Variants in FSTL5 observed in about 807,000 individuals in gnomAD.
The protein encoded by FSTL5 is follistatin-related protein 5.
A neutral mutation model predicts 89.1 loss-of-function variants in FSTL5; 62 were observed. The observed-to-expected ratio is 0.70, with a 90% CI of 0.57 to 0.86. The LOEUF is 0.86. FSTL5 is among the 40% of genes least tolerant of loss of function. The pLI, the probability that FSTL5 is intolerant of heterozygous loss-of-function variation, is 0.00. For missense variants in FSTL5, 1,057 were observed against 1,001.6 expected, an observed-to-expected ratio of 1.06 and a Z score of -0.75; for synonymous variants, 383 against 346.2, an observed-to-expected ratio of 1.11 and a Z score of -1.18.
At chr4:161,702,098 T>C (rs914355631) in intron 6 of FSTL5, among the ~76,000 whole-genome samples, 3 of 152,182 alleles carry the variant, frequency 2.0e-5, no homozygotes, top group African/African-American at 7.2e-5. Flanking sequence ...AATCTAATCA[T>C]AGCATTCTCC....
chr4:161,526,784 C>G (rs895807396), intron 10 of FSTL5, among the ~76,000 whole-genome samples: 3 of 152,114 alleles, frequency 2.0e-5, no homozygotes. Flanking sequence ...TCTGAGGGCT[C>G]TGTTCTGTTC....
At chr4:162,086,186 A>C (rs1314835280) in intron 2 of FSTL5, among the ~76,000 whole-genome samples, 1 of 152,080 alleles carries the variant, frequency 6.6e-6, no homozygotes, top group Non-Finnish European at 1.5e-5. Context: ...CACCAGGCTA[A>C]ATCCAAAATT....
At chr4:161,571,649 GAGGTA>G (rs1733017017) in intron 8 of FSTL5, among the ~76,000 whole-genome samples, 1 of 152,144 alleles carries the variant, frequency 6.6e-6, no homozygotes. Context: ...ACCTCTTGGT[GAGGTA>G]TATGTCAGCA....
At chr4:161,818,676 C>T (rs1370627579) in intron 4 of FSTL5, among the ~76,000 whole-genome samples, 1 of 152,112 alleles carries the variant, frequency 6.6e-6, no homozygotes, top group Non-Finnish European at 1.5e-5. Context: ...TTTCCCGTTT[C>T]AATAATACTT....
intron 8 of FSTL5, among the ~76,000 whole-genome samples, chr4:161,555,248 T>C (rs1732349474): frequency 6.6e-6 from 1 of 151,548 alleles, no homozygotes; most frequent in African/African-American, 2.4e-5. Flanking sequence ...TTAACTTAGA[T>C]GTAGTCTACT....
At chr4:162,153,803 A>T (rs1056393036) in intron 1 of FSTL5, among the ~76,000 whole-genome samples, 32 of 138,556 alleles carry the variant, frequency 2.3e-4, no homozygotes, top group Non-Finnish European at 4.3e-4. Flanking sequence ...ATATGTATAT[A>T]TATATATTTA....
At chr4:161,781,726 A>G (rs1263130736) in intron 4 of FSTL5, among the ~76,000 whole-genome samples, 3 of 152,266 alleles carry the variant, frequency 2.0e-5, no homozygotes, top group East Asian at 3.9e-4. Flanking sequence ...AATATTGAAT[A>G]CCATTATCAC....
intron 3 of FSTL5, among the ~76,000 whole-genome samples, chr4:161,946,099 T>C (rs1182140059): frequency 6.6e-6 from 1 of 152,200 alleles, no homozygotes; most frequent in Non-Finnish European, 1.5e-5. Context: ...ACTCACCACA[T>C]ATTTTTTCCT....
rs1032561124 is a variant in FSTL5 at position 161,543,183 on chromosome 4, G to T, written c.1016-490C>A. ...GAAATTAATAATTCTGTTTACAATA[G>T]TATCAAAAAATAAAATATTTAGGAA... On this transcript the variant is annotated intron_variant, in intron 8 of 15. Transcript: ENST00000306100. Among the ~76,000 whole-genome samples, 4 of 151,850 alleles carry T rather than the reference G, an allele frequency of 2.6e-5. No individual in the cohort carries two copies. In the East Asian group the frequency reaches 7.8e-4, roughly 29 times the overall value.
chr4:161,673,653 G>T (rs2126700707), intron 6 of FSTL5, among the ~76,000 whole-genome samples: 1 of 152,006 alleles, frequency 6.6e-6, no homozygotes, highest in East Asian at 1.9e-4. Context: ...ATAAATAAAT[G>T]TTAACAAAGT....
intron 6 of FSTL5, among the ~76,000 whole-genome samples, chr4:161,681,026 G>T (rs929130649): frequency 2.0e-5 from 3 of 152,026 alleles, no homozygotes; most frequent in African/African-American, 7.2e-5. Flanking sequence ...AAACTGAATT[G>T]CAGAGTCAAA....
chr4:162,101,286 A>G (rs1008112500), intron 2 of FSTL5, among the ~76,000 whole-genome samples: 8 of 152,224 alleles, frequency 5.3e-5, no homozygotes, highest in Non-Finnish European at 1.0e-4. Flanking sequence ...GTTTGCTTCA[A>G]CAGCAGTCAG....
chr4:161,403,067 G>A (rs908853207), intron 15 of FSTL5, among the ~76,000 whole-genome samples: 1 of 152,064 alleles, frequency 6.6e-6, no homozygotes, highest in African/African-American at 2.4e-5. Flanking sequence ...CTGACCTCGT[G>A]ATTCGCCTGC....
At chr4:161,424,490 T>C (rs1282255168) in intron 15 of FSTL5, among the ~76,000 whole-genome samples, 1 of 151,382 alleles carries the variant, frequency 6.6e-6, no homozygotes, top group Non-Finnish European at 1.5e-5. Context: ...GCATTTTTGT[T>C]TACTTAAATA....
intron 3 of FSTL5, among the ~76,000 whole-genome samples, chr4:161,956,750 G>A (rs1002496670): frequency 2.6e-5 from 4 of 151,936 alleles, no homozygotes; most frequent in Admixed American, 6.6e-5. Context: ...AAATATATAC[G>A]AAATAATGCA....
At chr4:161,733,852 G>A (rs1170525163) in intron 6 of FSTL5, among the ~76,000 whole-genome samples, 1 of 151,744 alleles carries the variant, frequency 6.6e-6, no homozygotes, top group Non-Finnish European at 1.5e-5. Flanking sequence ...ACATCTTTTT[G>A]AAATGTAGGG....
At chr4:162,160,901 A>T (rs967182734) in intron 1 of FSTL5, among the ~76,000 whole-genome samples, 2 of 151,864 alleles carry the variant, frequency 1.3e-5, no homozygotes, top group Admixed American at 1.3e-4. Context: ...CCCTTATCTT[A>T]AATCTCACAA....
intron 12 of FSTL5, 86 bp from the exon 13 acceptor site, chr4:161,481,255 T>C (rs192067562): frequency 1.1e-6 from 1 of 919,612 alleles, no homozygotes; most frequent in Admixed American, 2.6e-5. Flanking sequence ...TAATGTTTCA[T>C]ACTTTACTAC....
intron 4 of FSTL5, among the ~76,000 whole-genome samples, chr4:161,786,661 T>A (rs1741915017): frequency 6.6e-6 from 1 of 152,156 alleles, no homozygotes; most frequent in South Asian, 2.1e-4. Flanking sequence ...TTGGTTCTGG[T>A]ATATAGTTAA....
Sources: allele counts gnomAD v4.1 joint callset (sites outside exome capture counted in the v4.1 genomes callset), GRCh38; gene constraint gnomAD v4.1.1; transcripts MANE v1.5; gene names NCBI Gene and HGNC (gene_info 2026-07-23, HGNC 2026-07-21).